Variants in AKT3 observed in about 807,000 individuals in gnomAD.
AKT3 encodes the protein RAC-gamma serine/threonine-protein kinase.
AKT3 carries 15 observed loss-of-function variants against 65.3 expected under a neutral mutation model. The observed-to-expected ratio is 0.23, with a 90% CI of 0.15 to 0.35. The LOEUF is 0.35. Among genes scored for constraint, AKT3 ranks in the 10% least tolerant of loss-of-function variants. The pLI is 1.00. For missense variants in AKT3, 243 were observed against 576.5 expected (o/e 0.42, Z 5.92); for synonymous variants, 206 against 183.8 (o/e 1.12, Z -0.98).
chr1:243,613,892 A>C (rs143863278), intron 7 of AKT3, among the ~76,000 whole-genome samples, 153 bp from the exon 8 acceptor site: 108 of 152,380 alleles, frequency 7.1e-4, no homozygotes, highest in African/African-American at 2.5e-3. Flanking sequence ...AAAGTGCTTA[A>C]GAGTTTATGA....
chr1:243,722,817 A>C (rs1303038856), intron 2 of AKT3, among the ~76,000 whole-genome samples: 1 of 152,222 alleles, frequency 6.6e-6, no homozygotes, highest in Non-Finnish European at 1.5e-5. Flanking sequence ...CTATCACCGT[A>C]AGAACCCTGT....
At chr1:243,511,659 G>A (rs1489845320) in intron 13 of AKT3, among the ~76,000 whole-genome samples, 1 of 152,176 alleles carries the variant, frequency 6.6e-6, no homozygotes, top group African/African-American at 2.4e-5. Context: ...ACAGACCTCT[G>A]TCAGCATGAA....
Position 243,645,882 on chromosome 1 carries a change from T to A in AKT3, c.429+11A>T, listed in dbSNP as rs1299447336. 1 of 1,599,002 alleles carries A rather than the reference T, an allele frequency of 6.3e-7. No homozygotes were observed. The highest frequency in any genetic ancestry group is 1.7e-5 in the Admixed American group (1 of 58,070). ...TGAATGCTGTGCTGGGAATAAGTTATTATTTTCTACCTTTCTTTTATGATG... is the reference window on the plus strand; with the variant it reads ...TGAATGCTGTGCTGGGAATAAGTTAATATTTTCTACCTTTCTTTTATGATG... On this transcript the variant is annotated intron_variant, in intron 5 of 13. Coordinates refer to ENST00000673466, the MANE Select transcript of AKT3 (RefSeq NM_005465.7).
At chr1:243,606,811 G>A (rs1677463378) in intron 8 of AKT3, among the ~76,000 whole-genome samples, 1 of 152,242 alleles carries the variant, frequency 6.6e-6, no homozygotes, top group African/African-American at 2.4e-5. Flanking sequence ...GCCAGGGCCA[G>A]GGCCCAAAAG....
intron 9 of AKT3, 133 bp from the exon 10 acceptor site, chr1:243,563,981 G>A (rs1673979167): frequency 1.4e-6 from 1 of 706,948 alleles, no homozygotes; most frequent in Admixed American, 3.6e-5. Flanking sequence ...AGAACGCTCA[G>A]TACTTACAAA....
At chr1:243,786,812 T>C (rs1486893688) in intron 2 of AKT3, among the ~76,000 whole-genome samples, 1 of 152,026 alleles carries the variant, frequency 6.6e-6, no homozygotes, top group Non-Finnish European at 1.5e-5. Context: ...CTTCCATCCA[T>C]GTTTGGGGAG....
chr1:243,569,135 T>C lies in AKT3; in HGVS notation c.819+3791A>G, dbSNP rs572803950. On this transcript the variant is annotated intron_variant, in intron 9 of 13. Coordinates refer to ENST00000673466, the MANE Select transcript of AKT3 (RefSeq NM_005465.7). ...GCCCAAGAAGGTAGTAAGGAATTCC[T>C]ACTCTGCACATTGCAAGTTTAAGTT... Among the ~76,000 whole-genome samples the C allele has an allele frequency of 2.2e-4, 33 of 152,312 alleles. No individual in the cohort carries two copies. The East Asian group carries it at 6.2e-3, about 29-fold the overall frequency.
chr1:243,547,312 G>C (rs1672746738), intron 11 of AKT3, among the ~76,000 whole-genome samples: 1 of 152,040 alleles, frequency 6.6e-6, no homozygotes, highest in Non-Finnish European at 1.5e-5. Flanking sequence ...AAATTAAGGA[G>C]TAATGACTTT....
Position 243,500,483 on chromosome 1 carries a change from A to G in AKT3, c.*4766T>C, listed in dbSNP as rs1412897308. On this transcript the variant is annotated 3_prime_UTR_variant, in exon 14 of 14. Coordinates refer to ENST00000673466, the MANE Select transcript of AKT3 (RefSeq NM_005465.7). The stretch of plus-strand genomic sequence containing the variant: ...TGAAATTAGAAAATTTACTTAGAGT[A>G]TATCAAATATCTGTACACAGATAAT... 1 of 226,028 alleles carries G rather than the reference A, an allele frequency of 4.4e-6. No homozygotes were observed. The highest frequency in any genetic ancestry group is 2.2e-5 in the African/African-American group (1 of 44,956). The allele number at this position is 226,028 out of a possible 1,614,324, so 14.0% of individuals were successfully genotyped here.
intron 2 of AKT3, among the ~76,000 whole-genome samples, chr1:243,773,136 T>C (rs1433510494): frequency 6.6e-6 from 1 of 150,996 alleles, no homozygotes; most frequent in Non-Finnish European, 1.5e-5. Context: ...TGTATACATA[T>C]GTAACAAACC....
chr1:243,631,005 G>A (rs2147789868), intron 6 of AKT3, among the ~76,000 whole-genome samples: 1 of 151,102 alleles, frequency 6.6e-6, no homozygotes, highest in East Asian at 1.9e-4. Context: ...GCATACGTCA[G>A]GTTTTGTTCC....
intron 4 of AKT3, among the ~76,000 whole-genome samples, chr1:243,660,439 A>C (rs1558693050): frequency 6.6e-6 from 1 of 152,202 alleles, no homozygotes; most frequent in African/African-American, 2.4e-5. Context: ...CCAGCATATA[A>C]ACAGAACCAA....
intron 4 of AKT3, among the ~76,000 whole-genome samples, chr1:243,663,389 C>G (rs1682525488): frequency 6.6e-6 from 1 of 150,408 alleles, no homozygotes. Context: ...AAATTGAAAG[C>G]TCAGTATTAA....
At chr1:243,840,234 T>C (rs1183326365) in intron 2 of AKT3, among the ~76,000 whole-genome samples, 4 of 151,886 alleles carry the variant, frequency 2.6e-5, no homozygotes, top group African/African-American at 4.8e-5. Flanking sequence ...CAGTCCAAAC[T>C]AGAAACCAAA....
At chr1:243,574,684 A>G (rs2148511286) in intron 8 of AKT3, among the ~76,000 whole-genome samples, 1 of 152,288 alleles carries the variant, frequency 6.6e-6, no homozygotes, top group East Asian at 1.9e-4. Context: ...TATATTATCA[A>G]TGTATTACCA....
intron 6 of AKT3, among the ~76,000 whole-genome samples, chr1:243,637,378 A>G (rs1680049935): frequency 6.6e-6 from 1 of 152,086 alleles, no homozygotes; most frequent in African/African-American, 2.4e-5. Context: ...AAACATAAAC[A>G]TTTCTATTTC....
chr1:243,792,355 T>A (rs904625128), intron 2 of AKT3, among the ~76,000 whole-genome samples: 1 of 152,118 alleles, frequency 6.6e-6, no homozygotes, highest in African/African-American at 2.4e-5. Flanking sequence ...CCCGACATTA[T>A]AGATAAAAGT....
chr1:243,706,254 A>G (rs1017692195), intron 2 of AKT3, among the ~76,000 whole-genome samples: 5 of 152,210 alleles, frequency 3.3e-5, no homozygotes, highest in Non-Finnish European at 5.9e-5. Context: ...TCAAACAGAG[A>G]AGTCTCTCTA....
chr1:243,766,727 GAA>G (rs1017208937), intron 2 of AKT3, among the ~76,000 whole-genome samples: 2 of 152,118 alleles, frequency 1.3e-5, no homozygotes, highest in African/African-American at 4.8e-5. Flanking sequence ...GAGTAGTGAA[GAA>G]AAGTTTCCTA....
Sources: gnomAD v4.1 joint callset for allele counts (sites outside exome capture counted in the v4.1 genomes callset) on GRCh38, gnomAD v4.1.1 for gene constraint, MANE v1.5 for transcripts, NCBI Gene and HGNC (gene_info 2026-07-23, HGNC 2026-07-21) for gene names.